RPUSD2: variants seen among roughly 807,000 people sequenced by gnomAD.
The protein encoded by RPUSD2 is pseudouridylate synthase RPUSD2.
In RPUSD2, 31 loss-of-function variants were observed where a neutral mutation model predicts 41.5. The observed-to-expected ratio is 0.75, with a 90% CI of 0.56 to 1.01. RPUSD2 has a LOEUF of 1.01. RPUSD2 is among the 50% of genes least tolerant of loss of function. RPUSD2 has a pLI of 0.00. For missense variants in RPUSD2, 749 were observed against 724.7 expected (o/e 1.03, Z -0.38); for synonymous variants, 305 against 289.7 (o/e 1.05, Z -0.54).
intron 2 of RPUSD2, 49 bp from the exon 3 acceptor site, chr15:40,573,478 C>A (rs1204946888): frequency 6.4e-7 from 1 of 1,563,408 alleles, no homozygotes; most frequent in Admixed American, 1.8e-5. Context: ...GTTTGGACTC[C>A]ATGAATTTAG....
Position 40,569,520 on chromosome 15 carries a change from C to A in RPUSD2, c.183C>A (p.Gly61=). ...ATCAGCAAAACGGTGACGCTGGTGGCGACGCGAAGGTTGAGCTGTCCCCCG... is the reference window on the plus strand; with the variant it reads ...ATCAGCAAAACGGTGACGCTGGTGGAGACGCGAAGGTTGAGCTGTCCCCCG... The part of the protein sequence containing the change: ...ASHQQNGDAG[G]DAKVELSPGP... The change falls in exon 1 of 3, where the codon GGC becomes GGA. Residue 61 remains glycine (G), a synonymous_variant. Coordinates refer to ENST00000315616, the MANE Select transcript of RPUSD2 (RefSeq NM_152260.3). The A allele has an allele frequency of 7.8e-6, 12 of 1,542,698 alleles. No homozygotes were observed. Among genetic ancestry groups the A allele is most frequent in the Non-Finnish European group, 9.6e-6 (11 of 1,150,290 alleles).
Position 40,574,263 on chromosome 15 carries a change from G to C in RPUSD2, c.*2G>C. 4 of 1,607,776 alleles carry C rather than the reference G, an allele frequency of 2.5e-6. No individual in the cohort carries two copies. Among genetic ancestry groups the C allele is most frequent in the Non-Finnish European group, 3.4e-6 (4 of 1,177,538 alleles). On this transcript the variant is annotated 3_prime_UTR_variant, in exon 3 of 3. Transcript: ENST00000315616. ...CAGGATGACTGGCAAAAGGACTGAG[G>C]GTGTGGCCAATGGAGGGATTGCTTC...
chr15:40,569,579 C>T lies in RPUSD2; in HGVS notation c.242C>T (p.Pro81Leu). 6.5e-7 allele frequency: 1 copy of T among 1,534,826 alleles called. No individual in the cohort carries two copies. The highest frequency in any genetic ancestry group is 1.3e-5 in the South Asian group (1 of 79,434). The change falls in exon 1 of 3, where the codon CCG becomes CTG. Residue 81 changes from proline (P) to leucine (L), a missense_variant. Transcript: ENST00000315616. Reference sequence around the variant, plus strand: ...AAGCCGGCTGGCCGGGAAGTGGAGCCGGCCCCAGTAGGCGGGGAGCATCCC... The same window carrying T: ...AAGCCGGCTGGCCGGGAAGTGGAGCTGGCCCCAGTAGGCGGGGAGCATCCC... ...PPKPAGREVEPAPVGGEHPSA... is the reference protein window; with the variant it reads ...PPKPAGREVELAPVGGEHPSA...
At chr15:40,570,597 A>G (rs890650699) in intron 1 of RPUSD2, among the ~76,000 whole-genome samples, 13 of 152,118 alleles carry the variant, frequency 8.5e-5, no homozygotes, top group Admixed American at 8.5e-4. Flanking sequence ...GGTACCAGAC[A>G]CCCCTGTCAG....
In RPUSD2 at chr15:40,569,374, G is replaced by A. The variant is rs200596069; in HGVS notation, c.37G>A (p.Gly13Arg). The A allele has an allele frequency of 6.6e-7, 1 of 1,515,056 alleles. No individual in the cohort carries two copies. The highest frequency in any genetic ancestry group is 1.4e-5 in the African/African-American group (1 of 71,448). 93.9% of individuals were successfully genotyped at this position (1,515,056 alleles called of 1,614,324 possible). A position where few individuals can be genotyped will look rare whatever the true frequency, so the allele number is the denominator to read the frequency against. The change falls in exon 1 of 3, where the codon GGA becomes AGA. Residue 13 changes from glycine to arginine, a missense_variant. By Grantham distance (125) the Gly-to-Arg change is moderately radical (BLOSUM62 -2). Coordinates refer to ENST00000315616, the MANE Select transcript of RPUSD2 (RefSeq NM_152260.3). ...CCGCCGCGGATGGCTCAGGGTTCTT[G>A]GACATTGGCGCTACGACCTTAGGCG... Reference protein sequence around the residue: ...LDRRGWLRVLGHWRYDLRRPS... With the variant: ...LDRRGWLRVLRHWRYDLRRPS...
chr15:40,571,577 C>T (rs1333615911), intron 1 of RPUSD2, 27 bp from the exon 2 acceptor site: 2 of 1,607,682 alleles, frequency 1.2e-6, no homozygotes, highest in Non-Finnish European at 1.7e-6. Context: ...GGTCCCTAGG[C>T]TGACTTATTA....
chr15:40,572,196 G>T lies in RPUSD2; in HGVS notation c.903+296G>T, dbSNP rs184111848. On this transcript the variant is annotated intron_variant, in intron 2 of 2. Transcript: ENST00000315616. ...TAATCCCAGCATTTTGGGAGGCTGA[G>T]GTGGGAGGATAGCTTGAGCCCAGGA... Among the ~76,000 whole-genome samples, 891 of 152,042 alleles carry T rather than the reference G, an allele frequency of 5.9e-3. 12 individuals carry two copies. Among genetic ancestry groups the T allele is most frequent in the African/African-American group, 0.02 (841 of 41,462 alleles).
In RPUSD2 at chr15:40,570,998, T is replaced by TA. The variant is rs368130256; in HGVS notation, c.607-606_607-605insA. Among the ~76,000 whole-genome samples the TA allele has an allele frequency of 2.1e-3, 306 of 148,036 alleles. 1 individual carries two copies. The highest frequency in any genetic ancestry group is 7.0e-3 in the African/African-American group (289 of 40,998). ...AAAAAATTTTACCTTGATTATTTAT[T>TA]TTTTTTTTTTTTGAGACAGAGTCTT... is the stretch of plus-strand genomic sequence containing the variant. On this transcript the variant is annotated intron_variant, in intron 1 of 2. Transcript: ENST00000315616.
chr15:40,573,081 A>G (rs1291078011), intron 2 of RPUSD2, among the ~76,000 whole-genome samples: 1 of 131,140 alleles, frequency 7.6e-6, no homozygotes, highest in Non-Finnish European at 1.5e-5. Flanking sequence ...CTGGAGTGCA[A>G]TGGTGTGATC....
chr15:40,572,586 C>A (rs1469898615), intron 2 of RPUSD2, among the ~76,000 whole-genome samples: 1 of 150,880 alleles, frequency 6.6e-6, no homozygotes, highest in Non-Finnish European at 1.5e-5. Flanking sequence ...AAAAAACTTA[C>A]CCTGGCATGG....
At chr15:40,571,924 C>G in intron 2 of RPUSD2, 24 bp downstream of exon 2, 1 of 1,605,780 alleles carries the variant, frequency 6.2e-7, no homozygotes. Flanking sequence ...TTGTCTCCTA[C>G]AGGCCACTTC....
chr15:40,569,923 G>A lies in RPUSD2; in HGVS notation c.586G>A (p.Asp196Asn), dbSNP rs1296544014. 4 of 1,554,724 alleles carry A rather than the reference G, an allele frequency of 2.6e-6. No homozygotes were observed. The African/African-American group carries it at 4.1e-5, about 16-fold the overall frequency. Reference sequence around the variant, plus strand: ...GCAACTCAACGAGAAGCCGGTGCAGGACCTCAACATCGTGCTCAAGGTGGA... The same window carrying A: ...GCAACTCAACGAGAAGCCGGTGCAGAACCTCAACATCGTGCTCAAGGTGGA... ...RLQLNEKPVQ[D>N]LNIVLKDNDF... is the part of the protein sequence containing the mutation. Residue 196 changes from aspartate to asparagine, a missense_variant, in exon 1 of 3, where the codon GAC becomes AAC. By Grantham distance (23) the Asp-to-Asn change is conservative. Coordinates refer to ENST00000315616, the MANE Select transcript of RPUSD2 (RefSeq NM_152260.3).
rs1566990672 is a variant in RPUSD2, at chr15:40,574,117, CTG to C, written c.1497_1498del (p.Ala500ArgfsTer24). 1 of 1,614,098 alleles carries C rather than the reference CTG, an allele frequency of 6.2e-7. No homozygotes were observed. Among genetic ancestry groups the C allele is most frequent in the African/African-American group, 1.3e-5 (1 of 74,932 alleles). ...DVMNQETDPL[C>X]AECRLVRQDP... ...TCATGAATCAAGAGACAGACCCACT[CTG>C]TGCAGAGTGCCGGCTGGTGCGACAG... is the stretch of plus-strand genomic sequence containing the variant. On this transcript the variant is annotated frameshift_variant, in exon 3 of 3. Transcript: ENST00000315616. LOFTEE classifies it high-confidence loss of function.
At chr15:40,572,952 G>A (rs181507239) in intron 2 of RPUSD2, among the ~76,000 whole-genome samples, 20 of 151,452 alleles carry the variant, frequency 1.3e-4, no homozygotes, top group African/African-American at 4.6e-4. Flanking sequence ...TTAGTATCAA[G>A]CACATTAGAG....
chr15:40,570,998 T>TTA (rs1555416120), intron 1 of RPUSD2, among the ~76,000 whole-genome samples: 8 of 147,956 alleles, frequency 5.4e-5, no homozygotes, highest in African/African-American at 2.0e-4. Context: ...GATTATTTAT[T>TTA]TTTTTTTTTT....
At chr15:40,570,129 G>C (rs534912112) in intron 1 of RPUSD2, 186 bp downstream of exon 1, 1 of 757,882 alleles carries the variant, frequency 1.3e-6, no homozygotes, top group East Asian at 2.9e-5. Flanking sequence ...AAGTGGCCAG[G>C]GTGTCTGTGC....
At chr15:40,570,162 C>T in intron 1 of RPUSD2, 1 of 546,612 alleles carries the variant, frequency 1.8e-6, no homozygotes, top group Non-Finnish European at 3.1e-6. Flanking sequence ...CCTGTTTATC[C>T]TCTTCCTCAA....
rs758117948 is a variant in RPUSD2, at chr15:40,569,440, A to G, written c.103A>G (p.Met35Val). 6 of 1,566,696 alleles carry G rather than the reference A, an allele frequency of 3.8e-6. No individual in the cohort carries two copies. The highest frequency in any genetic ancestry group is 4.5e-5 in the East Asian group (2 of 44,416). Residue 35 changes from methionine to valine, a missense_variant, in exon 1 of 3, where the codon ATG becomes GTG. Met to Val is a conservative substitution (Grantham distance 21, BLOSUM62 1). Coordinates refer to ENST00000315616, the MANE Select transcript of RPUSD2 (RefSeq NM_152260.3). ...TRTWSGDKGP[M>V]AETVSTQVGT... is the part of the protein sequence containing the mutation. ...GACTTGGAGTGGCGATAAGGGCCCA[A>G]TGGCAGAAACAGTGTCTACCCAGGT...
At chr15:40,571,461 C>G in intron 1 of RPUSD2, 143 bp from the exon 2 acceptor site, 1 of 712,978 alleles carries the variant, frequency 1.4e-6, no homozygotes, top group Non-Finnish European at 2.3e-6. Context: ...AAAATGAGAT[C>G]ACACTCTGCA....
Sources: gnomAD v4.1 joint callset for allele counts (sites outside exome capture counted in the v4.1 genomes callset) on GRCh38, gnomAD v4.1.1 for gene constraint, MANE v1.5 for transcripts, NCBI Gene and HGNC (gene_info 2026-07-23, HGNC 2026-07-21) for gene names.